Variants in ELK3 observed in about 807,000 individuals in gnomAD.
ELK3 encodes the protein ETS domain-containing protein Elk-3.
Under a neutral mutation model 28.9 loss-of-function variants are expected in ELK3, and 10 were observed. That is an observed-to-expected ratio of 0.35 (90% CI 0.21 to 0.59). The LOEUF is 0.59. ELK3 is among the 20% of genes least tolerant of loss of function. The pLI is 0.82. For missense variants in ELK3, 463 were observed against 517.3 expected, an observed-to-expected ratio of 0.90 and a Z score of 1.02; for synonymous variants, 272 against 243.5, an observed-to-expected ratio of 1.12 and a Z score of -1.09.
chr12:96,247,067 G>T lies in ELK3; in HGVS notation c.335G>T (p.Cys112Phe), dbSNP rs762230733. The change falls in exon 3 of 5, where the codon TGC becomes TTC. Residue 112 changes from cysteine (C) to phenylalanine (F), a missense_variant. Physicochemically the swap from Cys to Phe is radical, Grantham distance 205. This residue lies in a region of ELK3 where 408 missense variants were observed against 414.8 expected (regional missense o/e 0.98). Transcript: ENST00000228741. The surrounding 1 kb of genome is among the most constrained non-coding windows in gnomAD (Gnocchi z 5.5). ...RESLLLQDSD[C>F]KASPEGREAH... The stretch of plus-strand genomic sequence containing the variant: ...AGCCTTCTGCTGCAGGACAGCGACT[G>T]CAAGGCGTCTCCGGAGGGCCGCGAG... 16 of 1,613,888 alleles carry T rather than the reference G, an allele frequency of 9.9e-6. No individual in the cohort carries two copies. The East Asian group carries it at 3.6e-4, about 36-fold the overall frequency.
chr12:96,241,139 T>C (rs1951817962), intron 2 of ELK3, among the ~76,000 whole-genome samples: 1 of 152,222 alleles, frequency 6.6e-6, no homozygotes, highest in South Asian at 2.1e-4. Context: ...TTAACCAGCC[T>C]AAGAATGAGC....
intron 2 of ELK3, among the ~76,000 whole-genome samples, chr12:96,235,531 T>G (rs1951776624): frequency 6.6e-6 from 1 of 152,254 alleles, no homozygotes; most frequent in East Asian, 1.9e-4. Flanking sequence ...GTCTGTCACC[T>G]TGGAAAGTCA....
rs111748948 is a variant in ELK3 at position 96,252,492 on chromosome 12, T to C, written c.1002+4758T>C. ...AAAGGAGTCACCATCCTAGATGCTATTAAGAATATTCATGATTCATGGGAG... is the reference window on the plus strand; with the variant it reads ...AAAGGAGTCACCATCCTAGATGCTACTAAGAATATTCATGATTCATGGGAG... On this transcript the variant is annotated intron_variant, in intron 3 of 4. Transcript: ENST00000228741. Among the ~76,000 whole-genome samples the C allele has an allele frequency of 1.1e-3, 171 of 152,224 alleles. 1 individual carries two copies. The highest frequency in any genetic ancestry group is 3.8e-3 in the African/African-American group (158 of 41,522).
chr12:96,213,409 T>C (rs181702719), intron 1 of ELK3, among the ~76,000 whole-genome samples: 3 of 152,290 alleles, frequency 2.0e-5, no homozygotes, highest in Admixed American at 1.3e-4. Flanking sequence ...AATAGGCCCT[T>C]TTCTGTCTTA....
chr12:96,210,565 G>GCACACACA (rs56257302), intron 1 of ELK3, among the ~76,000 whole-genome samples: 1 of 146,324 alleles, frequency 6.8e-6, no homozygotes, highest in Admixed American at 6.8e-5. Context: ...GCGGGCGCAC[G>GCACACACA]CACACACACA....
At chr12:96,229,403 C>T (rs984503889) in intron 2 of ELK3, among the ~76,000 whole-genome samples, 1 of 152,108 alleles carries the variant, frequency 6.6e-6, no homozygotes, top group African/African-American at 2.4e-5. Flanking sequence ...CTTTCTTGGC[C>T]TCTCCCCAGC....
chr12:96,225,519 C>T (rs1409183355), intron 2 of ELK3, among the ~76,000 whole-genome samples: 1 of 152,244 alleles, frequency 6.6e-6, no homozygotes, highest in Non-Finnish European at 1.5e-5. Flanking sequence ...TGTCAGACGT[C>T]TAAGGTGCTG....
chr12:96,206,119 G>T (rs201089347), intron 1 of ELK3, among the ~76,000 whole-genome samples: 2 of 152,100 alleles, frequency 1.3e-5, no homozygotes, highest in East Asian at 3.8e-4. Flanking sequence ...CACAAGAACA[G>T]CATCTTCCTT....
At chr12:96,221,864 C>A (rs1423740803) in intron 1 of ELK3, among the ~76,000 whole-genome samples, 2 of 152,214 alleles carry the variant, frequency 1.3e-5, no homozygotes, top group African/African-American at 4.8e-5. Flanking sequence ...TTGGAGAGCA[C>A]TCCTAGTCTA....
Position 96,267,203 on chromosome 12 carries a change from A to G in ELK3, c.*23A>G. On this transcript the variant is annotated 3_prime_UTR_variant, in exon 5 of 5. Transcript: ENST00000228741. ...TGATGACGTCTGGCCACAATTAAGG[A>G]CTCATTAACTGATGAAACAAATTTG... 6.3e-7 allele frequency: 1 copy of G among 1,598,390 alleles called. No homozygotes were observed. Among genetic ancestry groups the G allele is most frequent in the South Asian group, 1.1e-5 (1 of 88,646 alleles).
chr12:96,244,695 A>T (rs1951844429), intron 2 of ELK3, among the ~76,000 whole-genome samples: 1 of 152,202 alleles, frequency 6.6e-6, no homozygotes, highest in Non-Finnish European at 1.5e-5. Context: ...AACTAAAAAT[A>T]ACTTAAAATT....
intron 2 of ELK3, among the ~76,000 whole-genome samples, chr12:96,225,153 G>T (rs1951689698): frequency 6.6e-6 from 1 of 152,250 alleles, no homozygotes; most frequent in Non-Finnish European, 1.5e-5. Context: ...TCTAAATTCT[G>T]CAGTGGGAAC....
At chr12:96,264,799 AC>A (rs1952017641) in intron 4 of ELK3, among the ~76,000 whole-genome samples, 1 of 152,230 alleles carries the variant, frequency 6.6e-6, no homozygotes, top group Non-Finnish European at 1.5e-5. Flanking sequence ...TAAAGATAAA[AC>A]ATAACAATAG....
intron 2 of ELK3, among the ~76,000 whole-genome samples, chr12:96,234,615 C>T (rs180672099): frequency 1.9e-3 from 294 of 152,304 alleles, no homozygotes; most frequent in African/African-American, 6.6e-3. Flanking sequence ...GAGATGCTTA[C>T]GTGTGTGCAG....
chr12:96,256,770 G>C (rs1021292892), intron 3 of ELK3, among the ~76,000 whole-genome samples: 6 of 152,224 alleles, frequency 3.9e-5, no homozygotes, highest in Non-Finnish European at 8.8e-5. Flanking sequence ...GGGAGATCAG[G>C]AAAGTGTCCT....
chr12:96,235,463 A>G (rs1951776144), intron 2 of ELK3, among the ~76,000 whole-genome samples: 1 of 152,098 alleles, frequency 6.6e-6, no homozygotes, highest in Admixed American at 6.6e-5. Flanking sequence ...GGCAGCACCA[A>G]TCAAGTGTAG....
At chr12:96,227,234 C>G (rs4762140) in intron 2 of ELK3, among the ~76,000 whole-genome samples, 1 of 151,872 alleles carries the variant, frequency 6.6e-6, no homozygotes, top group South Asian at 2.1e-4. Context: ...TTTTAGTGTT[C>G]TCTTCCTTCT....
chr12:96,196,764 TTTTTA>T (rs1481528828), intron 1 of ELK3, among the ~76,000 whole-genome samples: 2 of 149,660 alleles, frequency 1.3e-5, no homozygotes, highest in Non-Finnish European at 3.0e-5. Flanking sequence ...TTTTTTTTTT[TTTTTA>T]ATTTAAATGT....
intron 2 of ELK3, among the ~76,000 whole-genome samples, chr12:96,246,323 T>A (rs2137032291): frequency 1.3e-5 from 2 of 152,318 alleles, no homozygotes; most frequent in Middle Eastern, 6.8e-3. Context: ...CTGTTCAGAT[T>A]GTATGAGATA....
Sources: gnomAD v4.1 joint callset for allele counts (sites outside exome capture counted in the v4.1 genomes callset) on GRCh38, gnomAD v4.1.1 for gene constraint, gnomAD v4.1.1 regional missense constraint, Gnocchi (gnomAD v3.1) non-coding constraint, MANE v1.5 for transcripts, NCBI Gene and HGNC (gene_info 2026-07-23, HGNC 2026-07-21) for gene names.